Variants in TYW1B observed in about 807,000 individuals in gnomAD.
TYW1B encodes tRNA-yW synthesizing protein 1 homolog B.
A neutral mutation model predicts 86.9 loss-of-function variants in TYW1B; 73 were observed. The ratio of observed to expected loss-of-function variants is 0.84; its 90% CI spans 0.70 to 1.02. TYW1B has a LOEUF of 1.02. TYW1B is among the 50% of genes least tolerant of loss of function. The pLI is 0.00. For synonymous variants in TYW1B, 248 were observed against 292.8 expected, an observed-to-expected ratio of 0.85 and a Z score of 1.56; for missense variants, 637 against 827.4, an observed-to-expected ratio of 0.77 and a Z score of 2.82.
chr7:72,610,138 G>A (rs1343573892), intron 13 of TYW1B, among the ~76,000 whole-genome samples: 1 of 152,140 alleles, frequency 6.6e-6, no homozygotes, highest in Non-Finnish European at 1.5e-5. Flanking sequence ...TGACCTACAG[G>A]TCTTGTGAAA....
intron 12 of TYW1B, among the ~76,000 whole-genome samples, chr7:72,618,223 CTG>C: frequency 7.6e-6 from 1 of 131,036 alleles, no homozygotes; most frequent in East Asian, 3.3e-4. Context: ...CAGAATGACA[CTG>C]AATTTTTTTT....
At chr7:72,730,808 G>A (rs1326798303) in intron 8 of TYW1B, among the ~76,000 whole-genome samples, 9 of 151,514 alleles carry the variant, frequency 5.9e-5, no homozygotes, top group East Asian at 1.9e-4. Flanking sequence ...AGAACAGGTG[G>A]GAAAAGACAT....
intron 13 of TYW1B, among the ~76,000 whole-genome samples, chr7:72,600,003 T>G (rs1218932383): frequency 3.3e-5 from 5 of 152,192 alleles, no homozygotes; most frequent in African/African-American, 1.2e-4. Flanking sequence ...AGAGTGATTT[T>G]GTAGACATTG....
At chr7:72,616,191 T>C (rs1554436839) in intron 13 of TYW1B, among the ~76,000 whole-genome samples, 1 of 152,140 alleles carries the variant, frequency 6.6e-6, no homozygotes, top group African/African-American at 2.4e-5. Flanking sequence ...TTCTATCTAA[T>C]AAAAGGACTA....
intron 7 of TYW1B, among the ~76,000 whole-genome samples, chr7:72,761,322 G>A (rs886487647): frequency 7.9e-5 from 12 of 151,946 alleles, no homozygotes; most frequent in Admixed American, 2.0e-4. Flanking sequence ...TAAAGGTTAC[G>A]AACAGTTAAA....
At chr7:72,812,011 A>T (rs1410492007) in intron 3 of TYW1B, among the ~76,000 whole-genome samples, 6 of 152,020 alleles carry the variant, frequency 3.9e-5, no homozygotes, top group African/African-American at 1.2e-4. Context: ...ATTTTTAAAC[A>T]TTAAGTAATT....
At chr7:72,683,139 C>T (rs1554448692) in intron 11 of TYW1B, among the ~76,000 whole-genome samples, 1 of 152,164 alleles carries the variant, frequency 6.6e-6, no homozygotes, top group Non-Finnish European at 1.5e-5. Flanking sequence ...TACCCAACTC[C>T]AGCCAGCGCC....
chr7:72,740,384 A>G (rs1261175153), intron 8 of TYW1B, among the ~76,000 whole-genome samples: 7 of 144,248 alleles, frequency 4.9e-5, no homozygotes, highest in Non-Finnish European at 9.1e-5. Flanking sequence ...TGGGTGACAG[A>G]GCAAGACCCT....
At chr7:72,651,203 TGA>T (rs1232607751) in intron 11 of TYW1B, among the ~76,000 whole-genome samples, 1 of 152,192 alleles carries the variant, frequency 6.6e-6, no homozygotes, top group African/African-American at 2.4e-5. Flanking sequence ...AACTTAATTA[TGA>T]GAGGCAACCA....
intron 8 of TYW1B, among the ~76,000 whole-genome samples, chr7:72,736,186 TGTCCCA>T (rs1787194253): frequency 6.6e-6 from 1 of 152,158 alleles, no homozygotes; most frequent in Admixed American, 6.6e-5. Context: ...ATTCTGTATT[TGTCCCA>T]ATTGGCTAGC....
intron 11 of TYW1B, among the ~76,000 whole-genome samples, chr7:72,657,636 A>T (rs1486734965): frequency 3.3e-5 from 5 of 152,206 alleles, no homozygotes; most frequent in Non-Finnish European, 5.9e-5. Flanking sequence ...ACTAAGAGCA[A>T]ATTTCTTAGC....
intron 7 of TYW1B, among the ~76,000 whole-genome samples, chr7:72,760,375 G>A (rs1787666879): frequency 6.6e-6 from 1 of 152,164 alleles, no homozygotes; most frequent in Admixed American, 6.6e-5. Flanking sequence ...GGCAAATAAA[G>A]TTTAGCCATA....
intron 11 of TYW1B, among the ~76,000 whole-genome samples, chr7:72,689,768 A>G (rs574112241): frequency 3.3e-5 from 5 of 152,330 alleles, no homozygotes; most frequent in Non-Finnish European, 2.9e-5. Flanking sequence ...TTACTGTGTT[A>G]AGGTCCTGGA....
intron 13 of TYW1B, among the ~76,000 whole-genome samples, chr7:72,603,227 A>T (rs1473149950): frequency 6.6e-6 from 1 of 151,098 alleles, no homozygotes; most frequent in East Asian, 1.9e-4. Flanking sequence ...AGATAGACAC[A>T]GACAGATGAT....
chr7:72,793,754 C>CAAA (rs11327564), intron 6 of TYW1B, among the ~76,000 whole-genome samples: 5 of 70,930 alleles, frequency 7.0e-5, no homozygotes, highest in Non-Finnish European at 1.3e-4. Flanking sequence ...GACTCCGTCT[C>CAAA]AAAAAAAAAA....
intron 9 of TYW1B, among the ~76,000 whole-genome samples, chr7:72,717,747 C>T (rs1554456482): frequency 6.6e-6 from 1 of 152,078 alleles, no homozygotes; most frequent in African/African-American, 2.4e-5. Context: ...GAAAAAAACA[C>T]TCAGCATTAC....
chr7:72,674,272 C>T (rs538854702), intron 11 of TYW1B, among the ~76,000 whole-genome samples: 3 of 152,168 alleles, frequency 2.0e-5, no homozygotes, highest in African/African-American at 4.8e-5. Context: ...AAGTCTTTTT[C>T]GGTACCCTAG....
intron 11 of TYW1B, among the ~76,000 whole-genome samples, chr7:72,688,815 C>A (rs1481357541): frequency 2.6e-5 from 4 of 152,310 alleles, no homozygotes; most frequent in Admixed American, 2.0e-4. Context: ...AGATGCAATA[C>A]ACTTACATTT....
chr7:72,620,311 C>T (rs1239964825), intron 12 of TYW1B, among the ~76,000 whole-genome samples: 7 of 152,156 alleles, frequency 4.6e-5, no homozygotes, highest in African/African-American at 1.4e-4. Flanking sequence ...GCAGGAGAAT[C>T]GCTCGAACCC....
Sources: allele counts gnomAD v4.1 joint callset (sites outside exome capture counted in the v4.1 genomes callset), GRCh38; gene constraint gnomAD v4.1.1; transcripts MANE v1.5; gene names NCBI Gene and HGNC (gene_info 2026-07-23, HGNC 2026-07-21).